The following STK31 variants were observed in gnomAD, a reference collection of about 807,000 sequenced individuals.
STK31 encodes serine/threonine-protein kinase 31.
STK31 carries 89 observed loss-of-function variants against 129.7 expected under a neutral mutation model. That is an observed-to-expected ratio of 0.69 (90% CI 0.58 to 0.82). The LOEUF (loss-of-function observed/expected upper bound fraction) is 0.82. STK31 is among the 40% of genes least tolerant of loss of function. STK31 has a pLI of 0.00. For missense variants in STK31, 1,187 were observed against 1,176.4 expected, an observed-to-expected ratio of 1.01 and a Z score of -0.13; for synonymous variants, 448 against 395.3, an observed-to-expected ratio of 1.13 and a Z score of -1.58.
chr7:23,775,931 G>A (rs972714123), intron 15 of STK31, among the ~76,000 whole-genome samples: 2 of 152,242 alleles, frequency 1.3e-5, no homozygotes, highest in African/African-American at 4.8e-5. Flanking sequence ...GATGCTTCCA[G>A]ATTTTCCCAT....
intron 11 of STK31, among the ~76,000 whole-genome samples, chr7:23,763,304 T>C (rs1408488211): frequency 1.3e-5 from 2 of 152,102 alleles, no homozygotes; most frequent in African/African-American, 4.8e-5. Flanking sequence ...GTTTTTAGGC[T>C]CCATGACCAG....
At chr7:23,810,975 T>C (rs1309297229) in intron 22 of STK31, among the ~76,000 whole-genome samples, 1 of 148,594 alleles carries the variant, frequency 6.7e-6, no homozygotes, top group Non-Finnish European at 1.5e-5. Context: ...ACATGATGTC[T>C]TATTTTTTTT....
intron 13 of STK31, among the ~76,000 whole-genome samples, chr7:23,770,237 G>A (rs554053939): frequency 5.3e-5 from 8 of 152,232 alleles, no homozygotes; most frequent in South Asian, 2.1e-4. Flanking sequence ...CTACTCCAAA[G>A]GGTGTTTTGT....
At position 23,729,152 on chromosome 7, in the gene STK31, A is replaced by C. The variant is rs752766998; in HGVS notation, c.386A>C (p.Glu129Ala). ...TEILNRSDIV[E>A]IPLELQFSSV... ...ATTCTAAATCGATCTGATATAGTTG[A>C]AATTCCTTTGGAGCTGCAGTTTTCT... Residue 129 changes from glutamate (E) to alanine (A), a missense_variant, in exon 6 of 24, where the codon GAA becomes GCA. This residue lies in a region of STK31 where 103 missense variants were observed against 110.4 expected (regional missense o/e 0.93). Transcript: ENST00000355870. 1 of 1,612,146 alleles carries C rather than the reference A, an allele frequency of 6.2e-7. No homozygotes were observed. Among genetic ancestry groups the C allele is most frequent in the South Asian group, 1.1e-5 (1 of 90,934 alleles).
chr7:23,780,720 C>G (rs1436316321), intron 15 of STK31, among the ~76,000 whole-genome samples: 1 of 152,090 alleles, frequency 6.6e-6, no homozygotes, highest in Non-Finnish European at 1.5e-5. Flanking sequence ...AGAAAATAAG[C>G]CATCAATTTA....
At chr7:23,739,705 TC>T (rs1446213910) in intron 8 of STK31, among the ~76,000 whole-genome samples, 1 of 152,254 alleles carries the variant, frequency 6.6e-6, no homozygotes, top group African/African-American at 2.4e-5. Flanking sequence ...TAGCCAGTTT[TC>T]CCAACACCGT....
intron 21 of STK31, 105 bp from the exon 22 acceptor site, chr7:23,790,719 T>TACAATAC: frequency 9.0e-7 from 1 of 1,112,610 alleles, no homozygotes; most frequent in South Asian, 2.6e-5. Flanking sequence ...GGGAATGAAA[T>TACAATAC]ATTTAAAATG....
intron 4 of STK31, chr7:23,726,022 A>C (rs1202255712): frequency 3.3e-5 from 5 of 152,210 alleles, no homozygotes; most frequent in African/African-American, 1.2e-4. Flanking sequence ...GTGAAAACTC[A>C]TTCACTTCCA....
intron 9 of STK31, 32 bp from the exon 10 acceptor site, chr7:23,754,282 TG>T: frequency 6.3e-7 from 1 of 1,593,310 alleles, no homozygotes. Flanking sequence ...TCTAATTTAT[TG>T]ATCTTCTTCT....
At chr7:23,783,535 T>G (rs1326694971) in intron 16 of STK31, 48 bp from the exon 17 acceptor site, 1 of 1,376,942 alleles carries the variant, frequency 7.3e-7, no homozygotes, top group Admixed American at 1.9e-5. Context: ...ATGTCAAAAT[T>G]GAATATATAT....
intron 22 of STK31, among the ~76,000 whole-genome samples, chr7:23,813,919 T>C (rs1793306838): frequency 1.3e-5 from 2 of 152,060 alleles, no homozygotes; most frequent in South Asian, 4.1e-4. Context: ...CCTTTGTTGG[T>C]GCCTGTGGCC....
rs2390810 is a variant in STK31, at chr7:23,750,076, G to A, written c.1018-2641G>A. 2.6e-4 allele frequency among the ~76,000 whole-genome samples: 27 copies of A among 104,228 alleles called. 4 individuals carry two copies. Among genetic ancestry groups the A allele is most frequent in the East Asian group, 5.3e-4 (2 of 3,748 alleles). The allele number at this position is 104,228 out of a possible 152,430, so 68.4% of individuals were successfully genotyped here. A position where few individuals can be genotyped will look rare whatever the true frequency, so the allele number is the denominator to read the frequency against. ...TTCAGAATGGTTTGTTTCCCCCCCC[G>A]CCACTGCTGGAAACATGAGGGGATT... On this transcript the variant is annotated intron_variant, in intron 8 of 23. Coordinates refer to ENST00000355870, the MANE Select transcript of STK31 (RefSeq NM_031414.5).
chr7:23,821,979 A>G (rs1490579255), intron 23 of STK31, among the ~76,000 whole-genome samples: 21 of 151,988 alleles, frequency 1.4e-4, no homozygotes, highest in Admixed American at 1.3e-3. Context: ...CTGGGGTTTC[A>G]ATTCTATTCT....
intron 22 of STK31, among the ~76,000 whole-genome samples, chr7:23,795,047 A>G (rs554214328): frequency 3.3e-5 from 5 of 152,366 alleles, no homozygotes; most frequent in South Asian, 2.1e-4. Context: ...AGGAATTTGC[A>G]TAAGTAACAA....
At chr7:23,726,530 C>G (rs1346450811) in intron 4 of STK31, 1 of 148,602 alleles carries the variant, frequency 6.7e-6, no homozygotes, top group Non-Finnish European at 1.5e-5. Context: ...GTGGGAGGAT[C>G]ACTTGAGCTT....
chr7:23,713,869 A>T lies in STK31; in HGVS notation c.150+1583A>T, dbSNP rs189273888. On this transcript the variant is annotated intron_variant, in intron 3 of 23. Transcript: ENST00000355870. The stretch of plus-strand genomic sequence containing the variant: ...AAAATAAGAAAAATTATAGTAAAAA[A>T]AAATATATATATACACACACACCAG... 6.4e-3 allele frequency among the ~76,000 whole-genome samples: 950 copies of T among 147,560 alleles called. 2 individuals carry two copies. Among genetic ancestry groups the T allele is most frequent in the African/African-American group, 0.016 (629 of 39,772 alleles).
rs952049665 is a variant in STK31, at chr7:23,785,380, T to G, written c.2149-98T>G. ...TTGGTTTTTCCAGTACAGTTGATGG[T>G]GTCCAAGTCATTTAATATCGTGTAA... On this transcript the variant is annotated intron_variant, in intron 17 of 23. Transcript: ENST00000355870. 10 of 1,491,316 alleles carry G rather than the reference T, an allele frequency of 6.7e-6. No homozygotes were observed. In the African/African-American group the frequency reaches 1.4e-4, roughly 21 times the overall value. The allele number at this position is 1,491,316 out of a possible 1,614,324, so 92.4% of individuals were successfully genotyped here.
At chr7:23,710,161 C>G (rs1224764141), upstream of STK31, 5 of 1,544,786 alleles carry the variant, frequency 3.2e-6, no homozygotes, top group East Asian at 2.3e-5. Context: ...CCACGTGACT[C>G]CCGCTAACAC....
intron 3 of STK31, among the ~76,000 whole-genome samples, chr7:23,714,857 C>T (rs971361901): frequency 1.3e-5 from 2 of 151,966 alleles, no homozygotes; most frequent in African/African-American, 4.8e-5. Flanking sequence ...TGCAGCTATT[C>T]AATTCTGCCA....
Sources: allele counts gnomAD v4.1 joint callset (sites outside exome capture counted in the v4.1 genomes callset), GRCh38; gene constraint gnomAD v4.1.1; regional missense constraint gnomAD v4.1.1; transcripts MANE v1.5; gene names NCBI Gene and HGNC (gene_info 2026-07-23, HGNC 2026-07-21).